USP30: variants seen among roughly 807,000 people sequenced by gnomAD.
USP30 encodes ubiquitin carboxyl-terminal hydrolase 30.
Under a neutral mutation model 68.2 loss-of-function variants are expected in USP30, and 41 were observed. The observed-to-expected ratio is 0.60, with a 90% CI of 0.47 to 0.78. USP30 has a LOEUF of 0.78. Among genes scored for constraint, USP30 ranks in the 30% least tolerant of loss-of-function variants. The pLI is 0.00. For synonymous variants in USP30, 229 were observed against 253.7 expected, an observed-to-expected ratio of 0.90 and a Z score of 0.93; for missense variants, 522 against 649.4, an observed-to-expected ratio of 0.80 and a Z score of 2.13.
chr12:109,085,370 T>TAA lies in USP30; in HGVS notation c.1290-295_1290-294dup, dbSNP rs989177035. ...GGGATACCATCTAGAGATAGCCAAT[T>TAA]AAACACTTAGGGTCATGCACTCTAT... On this transcript the variant is annotated intron_variant, in intron 12 of 12. Transcript: ENST00000257548. Among the ~76,000 whole-genome samples the TAA allele has an allele frequency of 2.4e-4, 37 of 152,316 alleles. No individual in the cohort carries two copies. The South Asian group carries it at 4.1e-3, about 17-fold the overall frequency.
intron 7 of USP30, among the ~76,000 whole-genome samples, chr12:109,079,348 T>TTC (rs2041721155): frequency 6.9e-5 from 9 of 129,566 alleles, no homozygotes; most frequent in Non-Finnish European, 9.3e-5. Flanking sequence ...TCTTTTTTTT[T>TTC]TTCTTTTTTT....
At chr12:109,055,402 T>TATA (rs2040835909) in intron 1 of USP30, among the ~76,000 whole-genome samples, 19 of 25,830 alleles carry the variant, frequency 7.4e-4, no homozygotes, top group African/African-American at 2.3e-3. Context: ...ATATATATAT[T>TATA]TTTTTTTTTT....
upstream of USP30, among the ~76,000 whole-genome samples, chr12:109,051,248 GCTTT>G (rs1566081146): frequency 2.2e-5 from 2 of 92,716 alleles, no homozygotes; most frequent in African/African-American, 4.3e-5. Context: ...TTTACCTCTT[GCTTT>G]TTTTTTTTTT....
Position 109,086,180 on chromosome 12 carries a change from T to C in USP30, c.*249T>C, listed in dbSNP as rs576555848. The stretch of plus-strand genomic sequence containing the variant: ...CATTCATTATGTCCGGAGTGTCTTT[T>C]TACTCATCTGATACAGGTAATTAAA... On this transcript the variant is annotated 3_prime_UTR_variant, in exon 13 of 13. Transcript: ENST00000257548. 24 of 469,996 alleles carry C rather than the reference T, an allele frequency of 5.1e-5. No homozygotes were observed. The South Asian group carries it at 8.0e-4, about 16-fold the overall frequency. 29.1% of individuals were successfully genotyped at this position (469,996 alleles called of 1,614,324 possible). A position where few individuals can be genotyped will look rare whatever the true frequency, so the allele number is the denominator to read the frequency against.
intron 1 of USP30, among the ~76,000 whole-genome samples, chr12:109,023,532 G>A (rs2040421875): frequency 6.6e-6 from 1 of 151,686 alleles, no homozygotes; most frequent in South Asian, 2.1e-4. Context: ...TCCAGCCTGG[G>A]TGATAGAGCG....
At position 109,056,705 on chromosome 12, in the gene USP30, G is replaced by A; in HGVS notation, c.107G>A (p.Gly36Glu). The change falls in exon 2 of 13, where the codon GGA becomes GAA. Residue 36 changes from glycine (G) to glutamate (E), a missense_variant. Coordinates refer to ENST00000257548, the MANE Select transcript of USP30 (RefSeq NM_032663.5). ...AVRYKVMKNW[G>E]VIGGIAAALA... ...AGATATAAAGTCATGAAGAACTGGGGAGTTATAGGTGGAATTGCTGCTGCT... is the reference window on the plus strand; with the variant it reads ...AGATATAAAGTCATGAAGAACTGGGAAGTTATAGGTGGAATTGCTGCTGCT... The A allele has an allele frequency of 6.2e-7, 1 of 1,610,968 alleles. No homozygotes were observed. Among genetic ancestry groups the A allele is most frequent in the South Asian group, 1.1e-5 (1 of 90,188 alleles).
chr12:109,051,225 G>A (rs932295912), upstream of USP30, among the ~76,000 whole-genome samples: 6 of 139,176 alleles, frequency 4.3e-5, no homozygotes, highest in African/African-American at 1.6e-4. Context: ...GAAAAAATAT[G>A]GTTAAAATTA....
chr12:109,029,545 C>T (rs2040466952), intron 3 of USP30, among the ~76,000 whole-genome samples: 1 of 152,164 alleles, frequency 6.6e-6, no homozygotes, highest in Non-Finnish European at 1.5e-5. Flanking sequence ...TATTAGGGCA[C>T]ACTGTTTTAC....
chr12:109,042,239 T>C (rs1034202457), intron 3 of USP30, among the ~76,000 whole-genome samples: 1 of 151,946 alleles, frequency 6.6e-6, no homozygotes, highest in African/African-American at 2.4e-5. Flanking sequence ...TTTGATGCTG[T>C]GTTTCCATTA....
In USP30 at chr12:109,067,609, C is replaced by A; in HGVS notation, c.462C>A (p.Ile154=). 1 of 1,614,006 alleles carries A rather than the reference C, an allele frequency of 6.2e-7. No individual in the cohort carries two copies. Among genetic ancestry groups the A allele is most frequent in the Non-Finnish European group, 8.5e-7 (1 of 1,179,940 alleles). The part of the protein sequence containing the change: ...LDVLRMYRWQ[I]SSFEEQDAHE... ...TCTTAAGAATGTACAGATGGCAGATCTCATCATTTGAAGAACAGGTGAGTA... is the reference window on the plus strand; with the variant it reads ...TCTTAAGAATGTACAGATGGCAGATATCATCATTTGAAGAACAGGTGAGTA... The change falls in exon 4 of 13, where the codon ATC becomes ATA. Residue 154 remains isoleucine (I), a synonymous_variant. Transcript: ENST00000257548.
intron 4 of USP30, among the ~76,000 whole-genome samples, chr12:109,069,138 G>A (rs948433985): frequency 1.3e-5 from 2 of 152,246 alleles, no homozygotes; most frequent in Non-Finnish European, 2.9e-5. Flanking sequence ...GGCAGAGCCA[G>A]GATTTAAGAC....
intron 3 of USP30, among the ~76,000 whole-genome samples, chr12:109,032,476 G>A (rs2040489553): frequency 6.6e-6 from 1 of 152,178 alleles, no homozygotes; most frequent in African/African-American, 2.4e-5. Context: ...AAGAAATGCA[G>A]TACTGATTAT....
At chr12:109,032,635 G>T (rs2040490628) in intron 3 of USP30, among the ~76,000 whole-genome samples, 1 of 152,180 alleles carries the variant, frequency 6.6e-6, no homozygotes, top group African/African-American at 2.4e-5. Context: ...ATCAGTGGTT[G>T]CTTAGGAATG....
chr12:109,075,892 CTT>C (rs1413656918), intron 7 of USP30, among the ~76,000 whole-genome samples: 5 of 136,036 alleles, frequency 3.7e-5, no homozygotes, highest in East Asian at 2.2e-4. Context: ...TATAAACACT[CTT>C]TTAGTGTATT....
intron 3 of USP30, among the ~76,000 whole-genome samples, chr12:109,038,778 T>C (rs1046357060): frequency 1.3e-5 from 2 of 152,230 alleles, no homozygotes; most frequent in Admixed American, 1.3e-4. Flanking sequence ...CAACAAGTGA[T>C]ATTAATTTCT....
rs112004104 is a variant in USP30, at chr12:109,069,814, C to T, written c.481-1798C>T. 1.2e-4 allele frequency among the ~76,000 whole-genome samples: 19 copies of T among 152,140 alleles called. No homozygotes were observed. In the East Asian group the frequency reaches 1.4e-3, roughly 11 times the overall value. On this transcript the variant is annotated intron_variant, in intron 4 of 12. Transcript: ENST00000257548. ...GGAGACTGCTCCAGGTAGGGAGGCT[C>T]CTCTCAGGAGGTGAGGTTTCAGCGG...
At position 109,084,934 on chromosome 12, in the gene USP30, G is replaced by C; in HGVS notation, c.1169-19G>C. ...AGCCACTGCTAATTTTCATTGACTCGGGCCTTTTTCTCTTGCAGTTCTGAA... is the reference window on the plus strand; with the variant it reads ...AGCCACTGCTAATTTTCATTGACTCCGGCCTTTTTCTCTTGCAGTTCTGAA... On this transcript the variant is annotated intron_variant, in intron 11 of 12. Coordinates refer to ENST00000257548, the MANE Select transcript of USP30 (RefSeq NM_032663.5). The C allele has an allele frequency of 6.5e-7, 1 of 1,544,760 alleles. No homozygotes were observed. Among genetic ancestry groups the C allele is most frequent in the South Asian group, 1.2e-5 (1 of 82,756 alleles).
In USP30 at chr12:109,085,730, A is replaced by AGACATG. The variant is rs770477426; in HGVS notation, c.1353_1354insGACATG (p.Gly451_His452insAspMet). 1 of 1,614,018 alleles carries AGACATG rather than the reference A, an allele frequency of 6.2e-7. No individual in the cohort carries two copies. Among genetic ancestry groups the AGACATG allele is most frequent in the African/African-American group, 1.3e-5 (1 of 74,896 alleles). ...TCCACCATGGAGACATGCACTCTGG[A>AGACATG]CACTTTGTCACTTACCGACGGTCCC... On this transcript the variant is annotated inframe_insertion, in exon 13 of 13. Coordinates refer to ENST00000257548, the MANE Select transcript of USP30 (RefSeq NM_032663.5).
intron 1 of USP30, among the ~76,000 whole-genome samples, chr12:109,055,401 T>TATATATACATATATATATATATATACA (rs61062424): frequency 2.4e-4 from 7 of 29,626 alleles, no homozygotes; most frequent in Non-Finnish European, 4.5e-4. Flanking sequence ...TATATATATA[T>TATATATACATATATATATATATATACA]TTTTTTTTTT....
Sources: allele counts gnomAD v4.1 joint callset (sites outside exome capture counted in the v4.1 genomes callset), GRCh38; gene constraint gnomAD v4.1.1; transcripts MANE v1.5; gene names NCBI Gene and HGNC (gene_info 2026-07-23, HGNC 2026-07-21).